NTNG1: variants seen among roughly 807,000 people sequenced by gnomAD.
The protein encoded by NTNG1 is netrin G1.
Under a neutral mutation model 54.0 loss-of-function variants are expected in NTNG1, and 16 were observed. The observed-to-expected ratio is 0.30, with a 90% CI of 0.20 to 0.45. The LOEUF (loss-of-function observed/expected upper bound fraction) is 0.45. NTNG1 is among the 20% of genes least tolerant of loss of function. The pLI, the probability that NTNG1 is intolerant of heterozygous loss-of-function variation, is 1.00. For synonymous variants in NTNG1, 255 were observed against 263.1 expected (o/e 0.97, Z 0.30); for missense variants, 530 against 678.7 (o/e 0.78, Z 2.43).
chr1:107,468,123 A>G (rs897072966), intron 7 of NTNG1, among the ~76,000 whole-genome samples: 2 of 152,184 alleles, frequency 1.3e-5, no homozygotes, highest in African/African-American at 2.4e-5. Context: ...GGAAAAAAAA[A>G]TCATTAAGAA....
At chr1:107,429,133 A>T (rs1485369451) in intron 5 of NTNG1, among the ~76,000 whole-genome samples, 1 of 151,978 alleles carries the variant, frequency 6.6e-6, no homozygotes, top group Non-Finnish European at 1.5e-5. Flanking sequence ...TGGCTTCAGC[A>T]TCCCCCCTTT....
At chr1:107,325,345 G>C (rs1570682236) in intron 3 of NTNG1, among the ~76,000 whole-genome samples, 1 of 151,822 alleles carries the variant, frequency 6.6e-6, no homozygotes, top group Non-Finnish European at 1.5e-5. Context: ...GTGTAATATT[G>C]CACAAAAAAA....
intron 2 of NTNG1, among the ~76,000 whole-genome samples, chr1:107,166,472 T>G (rs1363713061): frequency 1.3e-5 from 2 of 152,164 alleles, no homozygotes; most frequent in African/African-American, 4.8e-5. Flanking sequence ...GTGAAGGTAC[T>G]TTATAAAATG....
At chr1:107,267,320 G>A (rs1461430785) in intron 2 of NTNG1, among the ~76,000 whole-genome samples, 1 of 152,182 alleles carries the variant, frequency 6.6e-6, no homozygotes, top group Non-Finnish European at 1.5e-5. Flanking sequence ...GTTTAGTATG[G>A]ACTGGAAGAA....
At chr1:107,204,573 C>T (rs1191141405) in intron 2 of NTNG1, among the ~76,000 whole-genome samples, 1 of 152,098 alleles carries the variant, frequency 6.6e-6, no homozygotes, top group African/African-American at 2.4e-5. Context: ...CATATCACCC[C>T]AGCCACCATC....
intron 2 of NTNG1, among the ~76,000 whole-genome samples, chr1:107,174,781 G>C (rs1656514921): frequency 6.6e-6 from 1 of 151,828 alleles, no homozygotes; most frequent in South Asian, 2.1e-4. Context: ...TTTAGTGCAA[G>C]CTGAGAGTTG....
chr1:107,258,637 C>G (rs1303991843), intron 2 of NTNG1, among the ~76,000 whole-genome samples: 1 of 152,122 alleles, frequency 6.6e-6, no homozygotes, highest in Non-Finnish European at 1.5e-5. Flanking sequence ...AAAACTGAGG[C>G]ATGGGAATTA....
chr1:107,194,971 C>A (rs1658213456), intron 2 of NTNG1, among the ~76,000 whole-genome samples: 1 of 151,924 alleles, frequency 6.6e-6, no homozygotes, highest in Non-Finnish European at 1.5e-5. Context: ...GCCTTACAGA[C>A]TTTGAGGCAT....
In NTNG1 at chr1:107,474,359, G is replaced by A. The variant is rs527976936; in HGVS notation, c.1391-6252G>A. ...GTGTGATCACTGAAAGATGCCTGTT[G>A]GGTAGAAATTTTCACTTGGATCTTT... is the stretch of plus-strand genomic sequence containing the variant. On this transcript the variant is annotated intron_variant, in intron 7 of 7. Coordinates refer to ENST00000370068, the MANE Select transcript of NTNG1 (RefSeq NM_001113226.3). Among the ~76,000 whole-genome samples, 9 of 152,278 alleles carry A rather than the reference G, an allele frequency of 5.9e-5. No individual in the cohort carries two copies. The East Asian group carries it at 9.6e-4, about 16-fold the overall frequency.
intron 2 of NTNG1, among the ~76,000 whole-genome samples, chr1:107,274,203 A>G (rs568511281): frequency 6.6e-6 from 1 of 152,348 alleles, no homozygotes; most frequent in South Asian, 2.1e-4. Flanking sequence ...TAACCCAGGT[A>G]GGCTGTTTCC....
At chr1:107,308,568 T>C (rs1666820671) in intron 2 of NTNG1, among the ~76,000 whole-genome samples, 1 of 152,202 alleles carries the variant, frequency 6.6e-6, no homozygotes, top group Admixed American at 6.5e-5. Context: ...TGTAGTATAG[T>C]GTGAAGTCAA....
intron 3 of NTNG1, among the ~76,000 whole-genome samples, chr1:107,384,075 A>T (rs190411672): frequency 1.4e-4 from 22 of 152,300 alleles, no homozygotes; most frequent in African/African-American, 4.8e-4. Context: ...ATCTAACCAG[A>T]TTCCTCATGA....
intron 3 of NTNG1, among the ~76,000 whole-genome samples, chr1:107,352,062 A>T (rs1332265074): frequency 6.6e-6 from 1 of 152,238 alleles, no homozygotes; most frequent in Non-Finnish European, 1.5e-5. Flanking sequence ...GGGCAGCTCC[A>T]TCTTTGTGGC....
chr1:107,173,375 T>C (rs1474170212), intron 2 of NTNG1, among the ~76,000 whole-genome samples: 2 of 152,176 alleles, frequency 1.3e-5, no homozygotes, highest in Non-Finnish European at 2.9e-5. Context: ...TGGAAGAGAA[T>C]TGGTGTTTCT....
chr1:107,290,943 TTAAAGTGCATATATATA>T (rs1299056055), intron 2 of NTNG1, among the ~76,000 whole-genome samples: 4 of 143,642 alleles, frequency 2.8e-5, no homozygotes, highest in African/African-American at 1.1e-4. Flanking sequence ...TGGAGATATT[TTAAAGTGCATATATATA>T]TATTATATAT....
At chr1:107,480,590 A>AACCAAACCC in intron 7 of NTNG1, 21 bp from the exon 8 acceptor site, 1 of 352,590 alleles carries the variant, frequency 2.8e-6, no homozygotes, top group Non-Finnish European at 4.6e-6. Flanking sequence ...ACCCACCCCT[A>AACCAAACCC]CCTTCCCCCT....
chr1:107,234,405 G>A (rs1274808757), intron 2 of NTNG1, among the ~76,000 whole-genome samples: 3 of 152,036 alleles, frequency 2.0e-5, no homozygotes, highest in East Asian at 3.9e-4. Flanking sequence ...TTACAGGCAT[G>A]AGCCACCAAA....
chr1:107,243,042 C>T (rs1661949670), intron 2 of NTNG1, among the ~76,000 whole-genome samples: 1 of 152,156 alleles, frequency 6.6e-6, no homozygotes, highest in Non-Finnish European at 1.5e-5. Flanking sequence ...AAGGCTTGAT[C>T]AGAGCATCAA....
rs1412150140 is a variant in NTNG1, at chr1:107,307,192, T to C, written c.247-17090T>C. On this transcript the variant is annotated intron_variant, in intron 2 of 7. Transcript: ENST00000370068. ...GGACCTTTTACAGTTACACCATAAATAGTAAAATTGCATTTTGCATTTAGA... is the reference window on the plus strand; with the variant it reads ...GGACCTTTTACAGTTACACCATAAACAGTAAAATTGCATTTTGCATTTAGA... Among the ~76,000 whole-genome samples, 7 of 152,232 alleles carry C rather than the reference T, an allele frequency of 4.6e-5. No individual in the cohort carries two copies. The South Asian group carries it at 6.2e-4, about 14-fold the overall frequency.
Sources: allele counts gnomAD v4.1 joint callset (sites outside exome capture counted in the v4.1 genomes callset), GRCh38; gene constraint gnomAD v4.1.1; transcripts MANE v1.5; gene names NCBI Gene and HGNC (gene_info 2026-07-23, HGNC 2026-07-21).